The following ERCC5 variants were observed in gnomAD, a reference collection of about 807,000 sequenced individuals.
ERCC5 encodes the protein DNA excision repair protein ERCC-5.
Under a neutral mutation model 105.6 loss-of-function variants are expected in ERCC5, and 68 were observed. The ratio of observed to expected loss-of-function variants is 0.64; its 90% CI spans 0.53 to 0.79. ERCC5 has a LOEUF of 0.79. Ranked by LOEUF, ERCC5 falls within the 30% of genes least tolerant of loss-of-function variation. The pLI is 0.00. For synonymous variants in ERCC5, 546 were observed against 526.2 expected, an observed-to-expected ratio of 1.04 and a Z score of -0.51; for missense variants, 1,373 against 1,426.7, an observed-to-expected ratio of 0.96 and a Z score of 0.61.
intron 7 of ERCC5, 78 bp downstream of exon 7, chr13:102,861,792 C>A: frequency 6.5e-7 from 1 of 1,528,624 alleles, no homozygotes; most frequent in Non-Finnish European, 8.9e-7. Context: ...TAAACTAGCA[C>A]CCCTGGATAA....
chr13:102,865,029 T>G lies in ERCC5; in HGVS notation c.1955-638T>G, dbSNP rs1294394193. Reference sequence around the variant, plus strand: ...TAACCATCTCCCCCTCCCACTGGCCTCCTCCTTGGCCCTGCTCTCTTCTTT... The same window carrying G: ...TAACCATCTCCCCCTCCCACTGGCCGCCTCCTTGGCCCTGCTCTCTTCTTT... On this transcript the variant is annotated intron_variant, in intron 8 of 14. Transcript: ENST00000652225. This position sits in a 1 kb window ranked among gnomAD's most constrained non-coding sequence, Gnocchi z 4.0. 3 of 154,414 alleles carry G rather than the reference T, an allele frequency of 1.9e-5. No homozygotes were observed. Among genetic ancestry groups the G allele is most frequent in the Admixed American group, 1.9e-4 (3 of 15,586 alleles). 9.6% of individuals were successfully genotyped at this position (154,414 alleles called of 1,614,324 possible).
Position 102,867,174 on chromosome 13 carries a change from T to A in ERCC5, c.2533+329T>A, listed in dbSNP as rs368571930. ...TGTATTCGGGTTTCTGGCACTGATCTTCTTCTGTTCATCCAGCAAATATAT... is the reference window on the plus strand; with the variant it reads ...TGTATTCGGGTTTCTGGCACTGATCATCTTCTGTTCATCCAGCAAATATAT... On this transcript the variant is annotated intron_variant, in intron 11 of 14. Transcript: ENST00000652225. Among the ~76,000 whole-genome samples, 85 of 152,328 alleles carry A rather than the reference T, an allele frequency of 5.6e-4. 1 individual carries two copies. The highest frequency in any genetic ancestry group is 3.4e-3 in the Middle Eastern group (1 of 294).
chr13:102,846,851 T>C (rs1044728409), intron 1 of ERCC5, among the ~76,000 whole-genome samples: 1 of 152,218 alleles, frequency 6.6e-6, no homozygotes, highest in African/African-American at 2.4e-5. Flanking sequence ...AGCTTTGCAG[T>C]CTTAGCGGCC....
At chr13:102,851,275 T>A (rs2140516396) in intron 1 of ERCC5, among the ~76,000 whole-genome samples, 1 of 152,292 alleles carries the variant, frequency 6.6e-6, no homozygotes, top group South Asian at 2.1e-4. Context: ...TTTTTGGTAT[T>A]CCAGCAAATA....
chr13:102,865,698 T>C lies in ERCC5; in HGVS notation c.1986T>C (p.Ser662=). The C allele has an allele frequency of 5.6e-6, 9 of 1,613,802 alleles. No individual in the cohort carries two copies. Among genetic ancestry groups the C allele is most frequent in the Non-Finnish European group, 7.6e-6 (9 of 1,179,880 alleles). The change falls in exon 9 of 15, where the codon AGT becomes AGC. Residue 662 remains serine, a synonymous_variant. Transcript: ENST00000652225. This position sits in a 1 kb window ranked among gnomAD's most constrained non-coding sequence, Gnocchi z 4.0. ...GSFIEVQSVI[S]DEELQAEFPE... ...TCATTGAAGTGCAAAGTGTGATTAG[T>C]GATGAGGAACTTCAAGCAGAATTCC...
At chr13:102,855,940 G>A in intron 4 of ERCC5, 112 bp from the exon 5 acceptor site, 1 of 1,025,642 alleles carries the variant, frequency 9.7e-7, no homozygotes. Context: ...CACAGATCTT[G>A]CTGTTTTATT....
At chr13:102,867,984 A>T in intron 11 of ERCC5, 129 bp from the exon 12 acceptor site, 1 of 903,468 alleles carries the variant, frequency 1.1e-6, no homozygotes, top group Non-Finnish European at 1.7e-6. Context: ...TTATTTTCAA[A>T]TAATAAGATA....
At chr13:102,850,355 G>A (rs543138799) in intron 1 of ERCC5, among the ~76,000 whole-genome samples, 4 of 152,182 alleles carry the variant, frequency 2.6e-5, no homozygotes, top group Non-Finnish European at 4.4e-5. Flanking sequence ...GTTTCAGGCA[G>A]AGGAAGCAGC....
intron 9 of ERCC5, 99 bp from the exon 10 acceptor site, chr13:102,866,163 G>A: frequency 1.3e-6 from 2 of 1,564,066 alleles, no homozygotes; most frequent in East Asian, 2.2e-5. Flanking sequence ...AGGAGAAAGA[G>A]CTTATTGGTA....
At chr13:102,867,856 T>A (rs1882893262) in intron 11 of ERCC5, among the ~76,000 whole-genome samples, 1 of 152,176 alleles carries the variant, frequency 6.6e-6, no homozygotes, top group South Asian at 2.1e-4. Flanking sequence ...GTGACTGTGG[T>A]TCAGAGAGAC....
chr13:102,873,979 A>G (rs1883115716), intron 14 of ERCC5, among the ~76,000 whole-genome samples: 1 of 152,224 alleles, frequency 6.6e-6, no homozygotes, highest in Non-Finnish European at 1.5e-5. Flanking sequence ...TATTTAAATT[A>G]AACCCATTTT....
chr13:102,861,180 G>A (rs1482264954), intron 6 of ERCC5, among the ~76,000 whole-genome samples: 1 of 151,876 alleles, frequency 6.6e-6, no homozygotes, highest in Admixed American at 6.6e-5. Context: ...GTAGAGACAG[G>A]GTTTCACCAC....
In ERCC5 at chr13:102,861,569, G is replaced by C. The variant is rs2140526214; in HGVS notation, c.735G>C (p.Gln245His). ...KGLLKKNYLNQHIEHVQKEMN... is the reference protein window; with the variant it reads ...KGLLKKNYLNHHIEHVQKEMN... ...TGCTTAAAAAGAACTATCTGAACCA[G>C]CATATAGAACATGTCCAAAAGGAAA... is the stretch of plus-strand genomic sequence containing the variant. Residue 245 changes from glutamine to histidine, a missense_variant, in exon 7 of 15, where the codon CAG becomes CAC. Gln to His is a conservative substitution (Grantham distance 24, BLOSUM62 0). Transcript: ENST00000652225. 7 of 1,614,066 alleles carry C rather than the reference G, an allele frequency of 4.3e-6. No homozygotes were observed. Among genetic ancestry groups the C allele is most frequent in the Non-Finnish European group, 5.9e-6 (7 of 1,180,002 alleles).
chr13:102,846,423 C>A, intron 1 of ERCC5, 69 bp downstream of exon 1: 1 of 1,393,282 alleles, frequency 7.2e-7, no homozygotes, highest in Non-Finnish European at 1.0e-6. Flanking sequence ...GGGGCTCTGC[C>A]TTGGGCACAG....
In ERCC5 at chr13:102,875,719, C is replaced by T; in HGVS notation, c.3377C>T (p.Ala1126Val). ...GCTGCGAAAGAGCCAAAAACCAGTG[C>T]TTCAGATTCGCAGAACTCAGTGAAG... ...RTAAKEPKTS[A>V]SDSQNSVKEA... Residue 1126 changes from alanine to valine, a missense_variant, in exon 15 of 15, where the codon GCT (alanine) becomes GTT (valine). Ala to Val is a moderately conservative substitution (Grantham distance 64). Coordinates refer to ENST00000652225, the MANE Select transcript of ERCC5 (RefSeq NM_000123.4). 6.2e-7 allele frequency: 1 copy of T among 1,614,132 alleles called. No individual in the cohort carries two copies. Among genetic ancestry groups the T allele is most frequent in the Non-Finnish European group, 8.5e-7 (1 of 1,180,028 alleles).
rs767477585 is a variant in ERCC5 at position 102,853,886 on chromosome 13, TA to T, written c.380+15del. 3 of 1,610,338 alleles carry T rather than the reference TA, an allele frequency of 1.9e-6. No individual in the cohort carries two copies. Among genetic ancestry groups the T allele is most frequent in the South Asian group, 2.2e-5 (2 of 91,020 alleles). ...CAGAAGCAAAAGGCAAGAGGAAAATTATAGTCGTGTTAGAGATGAAGTTTTA... is the reference window on the plus strand; with the variant it reads ...CAGAAGCAAAAGGCAAGAGGAAAATTTAGTCGTGTTAGAGATGAAGTTTTA... On this transcript the variant is annotated intron_variant, in intron 3 of 14. Coordinates refer to ENST00000652225, the MANE Select transcript of ERCC5 (RefSeq NM_000123.4).
At chr13:102,861,929 A>G (rs1386579756) in intron 7 of ERCC5, 101 bp from the exon 8 acceptor site, 14 of 1,492,902 alleles carry the variant, frequency 9.4e-6, no homozygotes, top group Middle Eastern at 2.1e-4. Flanking sequence ...GAAAATGTAT[A>G]TACTTATTTA....
At position 102,865,991 on chromosome 13, in the gene ERCC5, A is replaced by T; in HGVS notation, c.2199+80A>T. 6.2e-7 allele frequency: 1 copy of T among 1,610,732 alleles called. No individual in the cohort carries two copies. ...GTTTTGAGTTTTAAGGAGTTGGTGG[A>T]TGAGTATTTAGTAGCTATTTGCAGT... is the stretch of plus-strand genomic sequence containing the variant. On this transcript the variant is annotated intron_variant, in intron 9 of 14. Transcript: ENST00000652225. This position sits in a 1 kb window ranked among gnomAD's most constrained non-coding sequence, Gnocchi z 4.0.
intron 5 of ERCC5, among the ~76,000 whole-genome samples, 160 bp from the exon 6 acceptor site, chr13:102,858,115 C>T (rs772960467): frequency 5.3e-5 from 8 of 152,128 alleles, no homozygotes; most frequent in Non-Finnish European, 1.2e-4. Context: ...TTTGCCTACT[C>T]ACTTTGTTGC....
Sources: allele counts gnomAD v4.1 joint callset (sites outside exome capture counted in the v4.1 genomes callset), GRCh38; gene constraint gnomAD v4.1.1; non-coding constraint Gnocchi (gnomAD v3.1); transcripts MANE v1.5; gene names NCBI Gene and HGNC (gene_info 2026-07-23, HGNC 2026-07-21).